Variants in AFF3 observed in about 807,000 individuals in gnomAD.
The protein encoded by AFF3 is ALF transcription elongation factor 3.
AFF3 carries 32 observed loss-of-function variants against 129.7 expected under a neutral mutation model. That is an observed-to-expected ratio of 0.25 (90% CI 0.19 to 0.33). The LOEUF (loss-of-function observed/expected upper bound fraction) is 0.33. Among genes scored for constraint, AFF3 ranks in the 10% least tolerant of loss-of-function variants. The probability of loss-of-function intolerance (pLI) is 1.00; values close to 1 mark genes in which losing one functional copy is unlikely to be tolerated. For synonymous variants in AFF3, 644 were observed against 635.4 expected (o/e 1.01, Z -0.20); for missense variants, 1,373 against 1,592.0 (o/e 0.86, Z 2.34).
At chr2:99,607,485 T>C (rs181128622) in intron 13 of AFF3, among the ~76,000 whole-genome samples, 1 of 151,990 alleles carries the variant, frequency 6.6e-6, no homozygotes, top group South Asian at 2.1e-4. Flanking sequence ...TGAGCCGAGA[T>C]TGTGCCACTG....
intron 8 of AFF3, among the ~76,000 whole-genome samples, chr2:99,776,873 C>A (rs62150112): frequency 0.011 from 1,675 of 152,294 alleles, 7 homozygotes; most frequent in Non-Finnish European, 0.017. Context: ...AAAATCAGAC[C>A]ACCATCAGCA....
chr2:99,839,075 G>A (rs923379492), intron 7 of AFF3, among the ~76,000 whole-genome samples: 2 of 152,264 alleles, frequency 1.3e-5, no homozygotes, highest in African/African-American at 4.8e-5. Context: ...ACAACTTGCC[G>A]AAGGCCACAC....
chr2:99,728,662 G>C (rs888648480), intron 10 of AFF3, among the ~76,000 whole-genome samples: 6 of 152,132 alleles, frequency 3.9e-5, no homozygotes, highest in African/African-American at 7.2e-5. Flanking sequence ...AGCTATGAGG[G>C]ACTTTGGCTA....
At chr2:99,736,426 T>C (rs1485647250) in intron 10 of AFF3, among the ~76,000 whole-genome samples, 1 of 152,194 alleles carries the variant, frequency 6.6e-6, no homozygotes, top group Non-Finnish European at 1.5e-5. Context: ...TATCATGCTT[T>C]TTTATCACCA....
At chr2:100,138,812 G>T (rs903438500) in intron 1 of AFF3, among the ~76,000 whole-genome samples, 8 of 151,974 alleles carry the variant, frequency 5.3e-5, no homozygotes, top group African/African-American at 1.5e-4. Flanking sequence ...AGGCGTGACG[G>T]TGGGCGCCTG....
intron 11 of AFF3, among the ~76,000 whole-genome samples, chr2:99,700,018 T>C (rs1158645493): frequency 1.3e-5 from 2 of 152,228 alleles, no homozygotes; most frequent in Non-Finnish European, 2.9e-5. Context: ...AAAGTGGATT[T>C]TGCAAATAAC....
intron 8 of AFF3, among the ~76,000 whole-genome samples, chr2:99,830,961 G>C (rs1688475463): frequency 6.6e-6 from 1 of 152,134 alleles, no homozygotes; most frequent in Non-Finnish European, 1.5e-5. Flanking sequence ...CACCAGCCCT[G>C]GCCAGGATGC....
chr2:99,604,275 T>G (rs1680122219), intron 13 of AFF3, among the ~76,000 whole-genome samples: 1 of 152,042 alleles, frequency 6.6e-6, no homozygotes, highest in Admixed American at 6.5e-5. Flanking sequence ...ACATATACCA[T>G]GAAATACAAT....
chr2:99,892,534 A>G (rs983028059), intron 7 of AFF3, among the ~76,000 whole-genome samples: 1 of 152,218 alleles, frequency 6.6e-6, no homozygotes, highest in South Asian at 2.1e-4. Context: ...AGTCTATTTT[A>G]ATCTGTCTCC....
At chr2:99,870,713 A>G (rs1036728236) in intron 7 of AFF3, among the ~76,000 whole-genome samples, 1 of 152,244 alleles carries the variant, frequency 6.6e-6, no homozygotes. Flanking sequence ...TTCTCTCTTA[A>G]GCTGTGGAAA....
rs1255215767 is a variant in AFF3 at position 100,104,483 on chromosome 2, G to T, written c.-29C>A. On this transcript the variant is annotated 5_prime_UTR_variant, in exon 4 of 25. Coordinates refer to ENST00000672756, the MANE Select transcript of AFF3 (RefSeq NM_001386135.1). ...GGGAGGTGTCAGCGTCGCCGCCGCCGCTACCGCCGCCGCCGAGGCTCGGGC... is the reference window on the plus strand; with the variant it reads ...GGGAGGTGTCAGCGTCGCCGCCGCCTCTACCGCCGCCGCCGAGGCTCGGGC... 7.7e-7 allele frequency: 1 copy of T among 1,303,610 alleles called. No individual in the cohort carries two copies. Among genetic ancestry groups the T allele is most frequent in the Admixed American group, 2.7e-5 (1 of 36,734 alleles). The allele number at this position is 1,303,610 out of a possible 1,614,324, so 80.8% of individuals were successfully genotyped here.
intron 9 of AFF3, among the ~76,000 whole-genome samples, chr2:99,748,187 G>A (rs1681330399): frequency 6.6e-6 from 1 of 152,208 alleles, no homozygotes; most frequent in Non-Finnish European, 1.5e-5. Context: ...GGAGACCAAA[G>A]TTCCTTTCTC....
In AFF3 at chr2:100,007,246, G is replaced by A; in HGVS notation, c.389C>T (p.Thr130Ile). The change falls in exon 6 of 25, where the codon ACT (threonine) becomes ATT (isoleucine). Residue 130 changes from threonine to isoleucine, a missense_variant. Around this residue, in one of 9 missense-constraint regions of AFF3, gnomAD observed 255 missense variants for 256.0 expected, o/e 1.00. Transcript: ENST00000672756. ...NQPSSICSTTTSTPAAVPVQQ... is the reference protein window; with the variant it reads ...NQPSSICSTTISTPAAVPVQQ... ...CACGGGGACAGCTGCTGGTGTGGAA[G>A]TTGTAGTGCTACAGATAGACGAGGG... is the stretch of plus-strand genomic sequence containing the variant. The A allele has an allele frequency of 6.2e-7, 1 of 1,614,132 alleles. No homozygotes were observed. Among genetic ancestry groups the A allele is most frequent in the Non-Finnish European group, 8.5e-7 (1 of 1,180,030 alleles).
chr2:99,578,434 A>G lies in AFF3; in HGVS notation c.2811T>C (p.Asn937=), dbSNP rs1420546854. 6.2e-7 allele frequency: 1 copy of G among 1,610,880 alleles called. No individual in the cohort carries two copies. The highest frequency in any genetic ancestry group is 8.5e-7 in the Non-Finnish European group (1 of 1,179,008). ...GGDLTKAAHN[N]SENIPLHKSR... ...ACTTGTGGAGGGGAATGTTTTCAGA[A>G]TTGTTGTGAGCTGCTTTCTAAACAA... is the stretch of plus-strand genomic sequence containing the variant. The change falls in exon 18 of 25, where the codon AAT becomes AAC. Residue 937 remains asparagine (N), a synonymous_variant. Coordinates refer to ENST00000672756, the MANE Select transcript of AFF3 (RefSeq NM_001386135.1).
At chr2:99,791,381 C>G (rs1371345554) in intron 8 of AFF3, among the ~76,000 whole-genome samples, 1 of 152,142 alleles carries the variant, frequency 6.6e-6, no homozygotes, top group African/African-American at 2.4e-5. Context: ...CTTACAACAC[C>G]TAATGTCATG....
chr2:99,577,271 G>C (rs766539747), intron 18 of AFF3, among the ~76,000 whole-genome samples: 6 of 152,122 alleles, frequency 3.9e-5, no homozygotes, highest in African/African-American at 7.2e-5. Context: ...CCGAGACTCC[G>C]GGTGGCAGTT....
At chr2:99,636,805 C>T (rs1438211392) in intron 13 of AFF3, among the ~76,000 whole-genome samples, 3 of 152,176 alleles carry the variant, frequency 2.0e-5, no homozygotes, top group Non-Finnish European at 4.4e-5. Flanking sequence ...ACAGGGAGCA[C>T]ATTAACCTTT....
rs139375319 is a variant in AFF3 at position 99,960,787 on chromosome 2, A to T, written c.873+45845T>A. 1.8e-3 allele frequency among the ~76,000 whole-genome samples: 276 copies of T among 152,250 alleles called. 5 individuals carry two copies. In the East Asian group the frequency reaches 0.034, roughly 19 times the overall value. On this transcript the variant is annotated intron_variant, in intron 7 of 24. Transcript: ENST00000672756. ...ATTTGCAGGTTCCAAAATGGCCTGG[A>T]TGTCAGCAGCAGTGCACATGGAAGA...
rs372415492 is a variant in AFF3 at position 99,554,654 on chromosome 2, C to T, written c.3335+29G>A. 17 of 1,613,914 alleles carry T rather than the reference C, an allele frequency of 1.1e-5. No homozygotes were observed. The African/African-American group carries it at 1.2e-4, about 11-fold the overall frequency. ...CCAGCACCATGCATTGTCTGGCTTA[C>T]GGCATTGACTTTGGAAAAGCGAACT... is the stretch of plus-strand genomic sequence containing the variant. On this transcript the variant is annotated intron_variant, in intron 23 of 24. Transcript: ENST00000672756.
Sources: allele counts gnomAD v4.1 joint callset (sites outside exome capture counted in the v4.1 genomes callset), GRCh38; gene constraint gnomAD v4.1.1; regional missense constraint gnomAD v4.1.1; transcripts MANE v1.5; gene names NCBI Gene and HGNC (gene_info 2026-07-23, HGNC 2026-07-21).